MGAT4C: variants seen among roughly 807,000 people sequenced by gnomAD.
MGAT4C encodes MGAT4 family member C, also known as alpha-1,3-mannosyl-glycoprotein 4-beta-N-acetylglucosaminyltransferase C.
Under a neutral mutation model 40.1 loss-of-function variants are expected in MGAT4C, and 19 were observed. That is an observed-to-expected ratio of 0.47 (90% CI 0.33 to 0.70). The LOEUF is 0.70. Among genes scored for constraint, MGAT4C ranks in the 30% least tolerant of loss-of-function variants. The pLI, the probability that MGAT4C is intolerant of heterozygous loss-of-function variation, is 0.02. For missense variants in MGAT4C, 491 were observed against 563.2 expected, an observed-to-expected ratio of 0.87 and a Z score of 1.30; for synonymous variants, 181 against 187.1, an observed-to-expected ratio of 0.97 and a Z score of 0.27.
chr12:86,414,057 G>A (rs1318409342), intron 3 of MGAT4C, among the ~76,000 whole-genome samples: 1 of 151,936 alleles, frequency 6.6e-6, no homozygotes, highest in African/African-American at 2.4e-5. Context: ...CCAGAAAAAT[G>A]CTTACAGCAA....
At chr12:86,579,024 T>C (rs1960673288) in intron 2 of MGAT4C, among the ~76,000 whole-genome samples, 1 of 151,704 alleles carries the variant, frequency 6.6e-6, no homozygotes, top group Non-Finnish European at 1.5e-5. Flanking sequence ...AATACATTTT[T>C]TCATATTTTA....
intron 1 of MGAT4C, among the ~76,000 whole-genome samples, chr12:86,204,127 G>C (rs945751228): frequency 2.6e-5 from 4 of 151,742 alleles, no homozygotes; most frequent in Non-Finnish European, 5.9e-5. Flanking sequence ...AACAGAGTCA[G>C]ATAAAGTGTT....
At chr12:86,364,747 C>CT (rs1955556133) in intron 3 of MGAT4C, among the ~76,000 whole-genome samples, 3 of 151,910 alleles carry the variant, frequency 2.0e-5, no homozygotes, top group Non-Finnish European at 4.4e-5. Flanking sequence ...GTGATGCCCC[C>CT]TGAGCCATAA....
At chr12:86,030,497 A>C (rs1039737478) in intron 2 of MGAT4C, among the ~76,000 whole-genome samples, 3 of 151,780 alleles carry the variant, frequency 2.0e-5, no homozygotes, top group Admixed American at 2.0e-4. Flanking sequence ...AAAGACCAAC[A>C]ATAAAAAACA....
rs555829520 is a variant in MGAT4C, at chr12:86,125,360, A to G, written c.-56-75637T>C. 5.3e-5 allele frequency among the ~76,000 whole-genome samples: 8 copies of G among 152,320 alleles called. No homozygotes were observed. The South Asian group carries it at 1.7e-3, about 32-fold the overall frequency. The stretch of plus-strand genomic sequence containing the variant: ...CATCCCACACAGGGAAAAAAGGTAT[A>G]GCAAAAAGTAAATGCTCACTGTTTA... On this transcript the variant is annotated intron_variant, in intron 1 of 4. Transcript: ENST00000611864.
chr12:86,067,558 G>A (rs1212585204), intron 1 of MGAT4C, among the ~76,000 whole-genome samples: 1 of 151,978 alleles, frequency 6.6e-6, no homozygotes, highest in Non-Finnish European at 1.5e-5. Context: ...GGCCTGTTGG[G>A]GGGTGGGGGG....
intron 2 of MGAT4C, among the ~76,000 whole-genome samples, chr12:86,532,415 A>C (rs1959000575): frequency 6.6e-6 from 1 of 152,098 alleles, no homozygotes; most frequent in East Asian, 1.9e-4. Context: ...AAGACAAAGT[A>C]GGTTTTTCTT....
chr12:86,830,716 GAAAC>G (rs3050182), intron 1 of MGAT4C, among the ~76,000 whole-genome samples: 20,740 of 149,594 alleles, frequency 0.14, 1,536 homozygotes, highest in Non-Finnish European at 0.16. Context: ...GGCTCCTAAT[GAAAC>G]AAACAAACAA....
chr12:86,585,733 T>A (rs1405742685), intron 2 of MGAT4C, among the ~76,000 whole-genome samples: 5 of 147,498 alleles, frequency 3.4e-5, no homozygotes, highest in African/African-American at 1.2e-4. Context: ...TTATTTTTTT[T>A]AATTTTTTTT....
chr12:86,453,177 T>C (rs1957456355), intron 2 of MGAT4C, among the ~76,000 whole-genome samples: 1 of 152,150 alleles, frequency 6.6e-6, no homozygotes, highest in African/African-American at 2.4e-5. Context: ...AGGTTTCTTA[T>C]ACAGAGTGCA....
intron 1 of MGAT4C, among the ~76,000 whole-genome samples, chr12:86,782,706 A>C (rs967423169): frequency 6.6e-6 from 1 of 152,106 alleles, no homozygotes; most frequent in Non-Finnish European, 1.5e-5. Context: ...TAATGAGATC[A>C]TAAGAATGGG....
intron 1 of MGAT4C, among the ~76,000 whole-genome samples, chr12:86,164,911 A>G (rs961933157): frequency 2.6e-5 from 4 of 152,190 alleles, no homozygotes; most frequent in Admixed American, 1.3e-4. Flanking sequence ...TAGTAATTGA[A>G]GGATTTTAAT....
intron 2 of MGAT4C, among the ~76,000 whole-genome samples, chr12:86,560,099 G>A (rs1346058545): frequency 6.6e-6 from 1 of 151,456 alleles, no homozygotes. Context: ...ATTAAATCAG[G>A]GAGAATTAAA....
intron 2 of MGAT4C, among the ~76,000 whole-genome samples, chr12:86,601,828 A>G (rs1961793968): frequency 1.3e-5 from 2 of 152,074 alleles, no homozygotes; most frequent in African/African-American, 4.8e-5. Context: ...ACCCTCATCC[A>G]CTTGCTGTGG....
chr12:86,424,321 C>T (rs1956884681), intron 3 of MGAT4C, among the ~76,000 whole-genome samples: 1 of 152,174 alleles, frequency 6.6e-6, no homozygotes, highest in South Asian at 2.1e-4. Context: ...CCCCACTCTT[C>T]CAATCATCAC....
At chr12:86,381,109 A>G (rs1438019039) in intron 3 of MGAT4C, among the ~76,000 whole-genome samples, 2 of 152,166 alleles carry the variant, frequency 1.3e-5, no homozygotes, top group African/African-American at 4.8e-5. Context: ...AAGCTCAAAA[A>G]GTGAAATATA....
intron 4 of MGAT4C, among the ~76,000 whole-genome samples, chr12:86,269,555 G>T (rs1566246739): frequency 1.3e-5 from 2 of 150,284 alleles, no homozygotes; most frequent in African/African-American, 4.9e-5. Context: ...TCCAATTCAG[G>T]TTTTTTTGTT....
chr12:86,741,576 T>C (rs560442035), intron 1 of MGAT4C, among the ~76,000 whole-genome samples: 1 of 151,420 alleles, frequency 6.6e-6, no homozygotes, highest in Non-Finnish European at 1.5e-5. Context: ...AATTGTTTTA[T>C]ATAATTGTCA....
intron 2 of MGAT4C, among the ~76,000 whole-genome samples, chr12:86,000,297 G>T (rs1247415413): frequency 6.6e-6 from 1 of 151,832 alleles, no homozygotes; most frequent in Admixed American, 6.6e-5. Flanking sequence ...ACAAATGCTG[G>T]TCCTTCAAAA....
Sources: gnomAD v4.1 joint callset for allele counts (sites outside exome capture counted in the v4.1 genomes callset) on GRCh38, gnomAD v4.1.1 for gene constraint, MANE v1.5 for transcripts, NCBI Gene and HGNC (gene_info 2026-07-23, HGNC 2026-07-21) for gene names.